The following OR10A2 variants were observed in gnomAD, a reference collection of about 807,000 sequenced individuals.
The protein encoded by OR10A2 is olfactory receptor family 10 subfamily A member 2.
Under a neutral mutation model 13.7 loss-of-function variants are expected in OR10A2, and 15 were observed. That is an observed-to-expected ratio of 1.10 (90% CI 0.73 to 1.69). The LOEUF (loss-of-function observed/expected upper bound fraction) is 1.69, where lower values mean the gene tolerates loss of function less well. OR10A2 is among the 40% of genes most tolerant of loss of function. The pLI is 0.00. For synonymous variants in OR10A2, 145 were observed against 144.7 expected (o/e 1.00, Z -0.02); for missense variants, 343 against 361.1 (o/e 0.95, Z 0.41).
chr11:6,867,394 T>C (rs950147520), intron 1 of OR10A2, among the ~76,000 whole-genome samples: 1 of 152,032 alleles, frequency 6.6e-6, no homozygotes, highest in African/African-American at 2.4e-5. Context: ...GTATTTTTAG[T>C]AGAGAGGGTG....
intron 1 of OR10A2, among the ~76,000 whole-genome samples, chr11:6,865,997 T>C (rs1224185174): frequency 1.3e-5 from 2 of 152,230 alleles, no homozygotes; most frequent in Non-Finnish European, 2.9e-5. Context: ...AGAAATGTTA[T>C]GTAAGTGGAA....
chr11:6,864,454 GCTT>G (rs59789097), intron 1 of OR10A2, among the ~76,000 whole-genome samples: 22,981 of 152,082 alleles, frequency 0.15, 1,865 homozygotes, highest in South Asian at 0.23. Context: ...AAAACACTGG[GCTT>G]CTTCTTATAA....
intron 1 of OR10A2, among the ~76,000 whole-genome samples, chr11:6,864,498 A>C (rs950190808): frequency 2.0e-5 from 3 of 152,212 alleles, no homozygotes; most frequent in Non-Finnish European, 4.4e-5. Context: ...ACTATGGAGA[A>C]GTTTAAAGAG....
At chr11:6,866,902 C>T (rs1490932205) in intron 1 of OR10A2, among the ~76,000 whole-genome samples, 12 of 152,120 alleles carry the variant, frequency 7.9e-5, no homozygotes, top group Non-Finnish European at 1.5e-5. Context: ...TATTCTTCCT[C>T]TGGTACTTCT....
Position 6,870,229 on chromosome 11 carries a change from AACAAGGT to A in OR10A2, c.476_482del (p.Asn159ArgfsTer12), listed in dbSNP as rs1848415663. On this transcript the variant is annotated frameshift_variant, in exon 2 of 2. Coordinates refer to ENST00000641461, the MANE Select transcript of OR10A2 (RefSeq NM_001004460.2). LOFTEE classifies it high-confidence loss of function. Reference sequence around the variant, plus strand: ...CTTCAGTTTTCCATTCTGTGGCACCAACAAGGTGAACCACTTCTTCTGTGACAGCCCA... The same window carrying A: ...CTTCAGTTTTCCATTCTGTGGCACCAGAACCACTTCTTCTGTGACAGCCCA... 6.2e-7 allele frequency: 1 copy of A among 1,614,072 alleles called. No individual in the cohort carries two copies. Among genetic ancestry groups the A allele is most frequent in the African/African-American group, 1.3e-5 (1 of 74,914 alleles).
At chr11:6,868,162 G>C (rs1364539411) in intron 1 of OR10A2, among the ~76,000 whole-genome samples, 1 of 152,122 alleles carries the variant, frequency 6.6e-6, no homozygotes, top group Non-Finnish European at 1.5e-5. Flanking sequence ...TGTAGACATT[G>C]CTTCATTTAA....
intron 1 of OR10A2, among the ~76,000 whole-genome samples, chr11:6,867,522 A>G (rs1470191425): frequency 6.6e-6 from 1 of 151,786 alleles, no homozygotes; most frequent in African/African-American, 2.4e-5. Context: ...TCGATATTCA[A>G]TATTTTATAG....
chr11:6,867,725 G>T (rs1848390231), intron 1 of OR10A2, among the ~76,000 whole-genome samples: 1 of 152,024 alleles, frequency 6.6e-6, no homozygotes, highest in Admixed American at 6.6e-5. Flanking sequence ...ATGACAGTAA[G>T]AGAGTTTCTA....
Position 6,870,947 on chromosome 11 carries a change from C to CTTTTTTTTTTTTTTTT in OR10A2, c.*283_*298dup, listed in dbSNP as rs35120311. 1 of 136,438 alleles carries CTTTTTTTTTTTTTTTT rather than the reference C, an allele frequency of 7.3e-6. No homozygotes were observed. The highest frequency in any genetic ancestry group is 1.5e-5 in the Non-Finnish European group (1 of 68,240). The allele number at this position is 136,438 out of a possible 1,614,324, so 8.5% of individuals were successfully genotyped here. ...CCAACTATTTCCAGGTGTTATATTT[C>CTTTTTTTTTTTTTTTT]TTTTTTTTTTTTTTTTTGAGACGGA... On this transcript the variant is annotated 3_prime_UTR_variant, in exon 2 of 2. Coordinates refer to ENST00000641461, the MANE Select transcript of OR10A2 (RefSeq NM_001004460.2).
Position 6,870,371 on chromosome 11 carries a change from C to T in OR10A2, c.617C>T (p.Thr206Ile), listed in dbSNP as rs147276829. The T allele has an allele frequency of 6.2e-6, 10 of 1,614,194 alleles. No homozygotes were observed. The African/African-American group carries it at 1.1e-4, about 17-fold the overall frequency. Residue 206 changes from threonine to isoleucine, a missense_variant, in exon 2 of 2, where the codon ACT becomes ATT. By Grantham distance (89) the Thr-to-Ile change is moderately conservative (BLOSUM62 -1). Transcript: ENST00000641461. The stretch of plus-strand genomic sequence containing the variant: ...TGCTTGCTGATCTTGTGTTCCTATA[C>T]TCACATTGCTGCTGCCATCCTCAAG... Reference protein sequence around the residue: ...IPCLLILCSYTHIAAAILKIP... With the variant: ...IPCLLILCSYIHIAAAILKIP...
At chr11:6,867,667 T>C (rs1564920388) in intron 1 of OR10A2, among the ~76,000 whole-genome samples, 1 of 152,252 alleles carries the variant, frequency 6.6e-6, no homozygotes, top group South Asian at 2.1e-4. Flanking sequence ...TTTGTCTTCA[T>C]ATCTCCCATA....
At chr11:6,869,316 T>G (rs1295387011) in intron 1 of OR10A2, among the ~76,000 whole-genome samples, 1 of 152,238 alleles carries the variant, frequency 6.6e-6, no homozygotes, top group Non-Finnish European at 1.5e-5. Flanking sequence ...TTTTGATAAA[T>G]TTAAATGTAT....
Position 6,869,808 on chromosome 11 carries a change from TC to T in OR10A2, c.55del (p.Leu19Ter), listed in dbSNP as rs1301988880. On this transcript the variant is annotated frameshift_variant, in exon 2 of 2. Coordinates refer to ENST00000641461, the MANE Select transcript of OR10A2 (RefSeq NM_001004460.2). LOFTEE classifies it high-confidence loss of function. ...EIQSLLFLTF[L>X]TIYLVTLMGN... ...TACAGTCATTACTCTTTCTGACATT[TC>T]TAACCATCTACCTGGTCACCCTGAT... The T allele has an allele frequency of 6.2e-7, 1 of 1,614,096 alleles. No individual in the cohort carries two copies. The highest frequency in any genetic ancestry group is 8.5e-7 in the Non-Finnish European group (1 of 1,180,032).
At position 6,870,513 on chromosome 11, in the gene OR10A2, T is replaced by G; in HGVS notation, c.759T>G (p.Asn253Lys). Residue 253 changes from asparagine (N) to lysine (K), a missense_variant, in exon 2 of 2, where the codon AAT becomes AAG. By Grantham distance (94) the Asn-to-Lys change is moderately conservative. Transcript: ENST00000641461. ...SLTYFRPKSN[N>K]SPEGKKLLSL... is the part of the protein sequence containing the mutation. ...CCTACTTCCGGCCTAAATCAAATAA[T>G]TCACCTGAGGGCAAGAAGCTGCTAT... 1 of 1,614,164 alleles carries G rather than the reference T, an allele frequency of 6.2e-7. No individual in the cohort carries two copies. The highest frequency in any genetic ancestry group is 8.5e-7 in the Non-Finnish European group (1 of 1,180,010).
chr11:6,866,730 T>A, intron 1 of OR10A2, among the ~76,000 whole-genome samples: 1 of 152,162 alleles, frequency 6.6e-6, no homozygotes, highest in East Asian at 1.9e-4. Flanking sequence ...TTAATCATTT[T>A]CCAGTTTGGT....
chr11:6,870,669 C>G lies in OR10A2; in HGVS notation c.*3C>G. 6.5e-7 allele frequency: 1 copy of G among 1,539,902 alleles called. No homozygotes were observed. The highest frequency in any genetic ancestry group is 8.7e-7 in the Non-Finnish European group (1 of 1,146,348). ...CCCTCAGAAACTGTATCCCATAGAC[C>G]TTAGGAAGTAAGGCTACATTTTACT... On this transcript the variant is annotated 3_prime_UTR_variant, in exon 2 of 2. Coordinates refer to ENST00000641461, the MANE Select transcript of OR10A2 (RefSeq NM_001004460.2).
chr11:6,869,482 CAG>C (rs1848405997), intron 1 of OR10A2, 139 bp from the exon 2 acceptor site: 1 of 456,466 alleles, frequency 2.2e-6, no homozygotes, highest in Non-Finnish European at 3.9e-6. Context: ...AAGGTGTGAA[CAG>C]AAATATCAGC....
At chr11:6,868,141 G>A (rs1289045668) in intron 1 of OR10A2, among the ~76,000 whole-genome samples, 1 of 152,082 alleles carries the variant, frequency 6.6e-6, no homozygotes, top group Non-Finnish European at 1.5e-5. Context: ...TTCTGAAACC[G>A]AGCTAAAAAC....
Position 6,874,237 on chromosome 11 carries a change from T to G in OR10A2, c.*3571T>G, listed in dbSNP as rs563746784. ...TGATTATTTACCACATTTTCTTCATTATCTATTAAATTATTCAATAACAAT... is the reference window on the plus strand; with the variant it reads ...TGATTATTTACCACATTTTCTTCATGATCTATTAAATTATTCAATAACAAT... On this transcript the variant is annotated 3_prime_UTR_variant, in exon 2 of 2. Coordinates refer to ENST00000641461, the MANE Select transcript of OR10A2 (RefSeq NM_001004460.2). 2.6e-5 allele frequency: 4 copies of G among 152,332 alleles called. No homozygotes were observed. Among genetic ancestry groups the G allele is most frequent in the Admixed American group, 2.6e-4 (4 of 15,298 alleles). The allele number at this position is 152,332 out of a possible 1,614,324, so 9.4% of individuals were successfully genotyped here.
Sources: allele counts gnomAD v4.1 joint callset (sites outside exome capture counted in the v4.1 genomes callset), GRCh38; gene constraint gnomAD v4.1.1; transcripts MANE v1.5; gene names NCBI Gene and HGNC (gene_info 2026-07-23, HGNC 2026-07-21).